Variants in MORN1 observed in about 807,000 individuals in gnomAD.
MORN1 encodes MORN repeat-containing protein 1.
In MORN1, 67 loss-of-function variants were observed where a neutral mutation model predicts 61.9. The observed-to-expected ratio is 1.08, with a 90% CI of 0.89 to 1.33. The LOEUF is 1.33. Ranked by LOEUF, MORN1 falls within the 40% of genes most tolerant of loss-of-function variation. The pLI, the probability that MORN1 is intolerant of heterozygous loss-of-function variation, is 0.00. For missense variants in MORN1, 752 were observed against 691.2 expected (o/e 1.09, Z -0.99); for synonymous variants, 301 against 292.0 (o/e 1.03, Z -0.31).
chr1:2,328,828 G>A (rs889688216), intron 12 of MORN1, among the ~76,000 whole-genome samples: 28 of 152,186 alleles, frequency 1.8e-4, no homozygotes, highest in Admixed American at 1.2e-3. Context: ...TGGAACACCC[G>A]GAGAATGTGC....
At chr1:2,368,267 G>A (rs1227588086) in intron 8 of MORN1, among the ~76,000 whole-genome samples, 1 of 152,256 alleles carries the variant, frequency 6.6e-6, no homozygotes, top group African/African-American at 2.4e-5. Flanking sequence ...AGGATTTAAG[G>A]GTGAATGGGA....
intron 12 of MORN1, among the ~76,000 whole-genome samples, chr1:2,335,834 A>AGCCCGGCCCGGCCCCGCCCG (rs893953785): frequency 1.4e-5 from 2 of 143,100 alleles, no homozygotes; most frequent in African/African-American, 6.0e-5. Flanking sequence ...TCCATAGCCC[A>AGCCCGGCCCGGCCCCGCCCG]GCCCAGCCCA....
At chr1:2,352,002 C>A (rs572904723) in intron 10 of MORN1, 1 of 516,544 alleles carries the variant, frequency 1.9e-6, no homozygotes. Context: ...AATGAGACCC[C>A]CTCCACCAGG....
rs1185606095 is a variant in MORN1, at chr1:2,331,996, C to CGCCGCTGCGCCTCTCCT, written c.1250+4472_1250+4473insAGGAGAGGCGCAGCGGC. On this transcript the variant is annotated intron_variant, in intron 12 of 13. Coordinates refer to ENST00000378531, the MANE Select transcript of MORN1 (RefSeq NM_024848.3). ...GCCTCTCCCGCCCCTGCGCCTCTCC[C>CGCCGCTGCGCCTCTCCT]GCCGCTGCGCCTCTCCCGCCGCTGC... 6.3e-5 allele frequency: 11 copies of CGCCGCTGCGCCTCTCCT among 173,416 alleles called. 1 individual carries two copies. Among genetic ancestry groups the CGCCGCTGCGCCTCTCCT allele is most frequent in the African/African-American group, 2.4e-4 (10 of 41,428 alleles). The allele number at this position is 173,416 out of a possible 1,614,324, so 10.7% of individuals were successfully genotyped here.
Position 2,336,558 on chromosome 1 carries a change from T to C in MORN1, c.1171-10A>G. 1.2e-6 allele frequency: 2 copies of C among 1,612,370 alleles called. No homozygotes were observed. The highest frequency in any genetic ancestry group is 1.1e-5 in the South Asian group (1 of 91,030). On this transcript the variant is annotated splice_polypyrimidine_tract_variant and intron_variant, in intron 11 of 13. Coordinates refer to ENST00000378531, the MANE Select transcript of MORN1 (RefSeq NM_024848.3). ...ATCTGCCGCCTGCCTTCTAGAAAGA[T>C]TGGGCAGGAGGAGGGGAGAAGGAAA...
At chr1:2,387,337 G>A in intron 4 of MORN1, 82 bp downstream of exon 4, 1 of 1,031,310 alleles carries the variant, frequency 9.7e-7, no homozygotes, top group South Asian at 1.3e-5. Flanking sequence ...CCTCTCAGAG[G>A]TTCCTGAACC....
At position 2,335,846 on chromosome 1, in the gene MORN1, C is replaced by CCCA. The variant is rs370659459; in HGVS notation, c.1250+622_1250+623insTGG. On this transcript the variant is annotated intron_variant, in intron 12 of 13. Coordinates refer to ENST00000378531, the MANE Select transcript of MORN1 (RefSeq NM_024848.3). ...GCCTCCATAGCCCAGCCCAGCCCAG[C>CCCA]GCGCAGCTGCCCCCAATTTGTAGAC... is the stretch of plus-strand genomic sequence containing the variant. 8.7e-4 allele frequency among the ~76,000 whole-genome samples: 131 copies of CCCA among 149,826 alleles called. 1 individual carries two copies. Among genetic ancestry groups the CCCA allele is most frequent in the African/African-American group, 3.1e-3 (123 of 39,220 alleles).
chr1:2,338,963 G>C (rs1008637850), intron 10 of MORN1, among the ~76,000 whole-genome samples: 2 of 152,104 alleles, frequency 1.3e-5, no homozygotes, highest in East Asian at 3.9e-4. Context: ...ACGGCTTTCA[G>C]TTCAGCAGGA....
At chr1:2,348,894 C>T (rs1302363632) in intron 10 of MORN1, among the ~76,000 whole-genome samples, 1 of 152,214 alleles carries the variant, frequency 6.6e-6, no homozygotes, top group African/African-American at 2.4e-5. Context: ...TGTACGCAGA[C>T]ATGCACACAA....
intron 4 of MORN1, 99 bp from the exon 5 acceptor site, chr1:2,385,996 T>C (rs941432947): frequency 7.8e-6 from 8 of 1,022,922 alleles, no homozygotes; most frequent in Admixed American, 1.8e-5. Flanking sequence ...AGGAGCAAAG[T>C]AGCAAGTCTA....
Position 2,357,268 on chromosome 1 carries a change from T to C in MORN1, c.1036+164A>G, listed in dbSNP as rs1030196954. ...CCACCCGTGACTGCTTGTCTGGGGA[T>C]GTGGGCTGCCCGGCCCTGCCTCCTT... is the stretch of plus-strand genomic sequence containing the variant. On this transcript the variant is annotated intron_variant, in intron 10 of 13. Transcript: ENST00000378531. This position sits in a 1 kb window ranked among gnomAD's most constrained non-coding sequence, Gnocchi z 6.3. 6.6e-6 allele frequency among the ~76,000 whole-genome samples: 1 copy of C among 152,180 alleles called. No individual in the cohort carries two copies. The highest frequency in any genetic ancestry group is 1.5e-5 in the Non-Finnish European group (1 of 68,018).
intron 10 of MORN1, among the ~76,000 whole-genome samples, chr1:2,343,373 C>T (rs1641443538): frequency 6.6e-6 from 1 of 152,196 alleles, no homozygotes; most frequent in Non-Finnish European, 1.5e-5. Flanking sequence ...TGTGACAGAG[C>T]CGCCGGGCCC....
At chr1:2,336,695 C>A (rs1445629141) in intron 11 of MORN1, 22 bp downstream of exon 11, 1 of 1,546,812 alleles carries the variant, frequency 6.5e-7, no homozygotes, top group African/African-American at 1.4e-5. Context: ...GGGTGGCCTC[C>A]CCGCCCCCCG....
intron 6 of MORN1, among the ~76,000 whole-genome samples, chr1:2,381,130 C>T (rs1439685187): frequency 1.3e-5 from 2 of 152,246 alleles, no homozygotes; most frequent in Non-Finnish European, 2.9e-5. Flanking sequence ...AAGGGACAGA[C>T]CTGGTAATGT....
chr1:2,388,450 G>A (rs1367328304), intron 2 of MORN1, 113 bp from the exon 3 acceptor site: 4 of 795,296 alleles, frequency 5.0e-6, no homozygotes, highest in African/African-American at 3.4e-5. Flanking sequence ...CAAAACTTGT[G>A]TTTGGCTCCA....
intron 10 of MORN1, among the ~76,000 whole-genome samples, chr1:2,342,614 G>A (rs544271091): frequency 6.6e-6 from 1 of 151,984 alleles, no homozygotes; most frequent in Non-Finnish European, 1.5e-5. Context: ...CTCCCCTGCT[G>A]TCCCCAGCCC....
At chr1:2,333,707 G>T (rs1294302452) in intron 12 of MORN1, among the ~76,000 whole-genome samples, 1 of 152,206 alleles carries the variant, frequency 6.6e-6, no homozygotes, top group Non-Finnish European at 1.5e-5. Flanking sequence ...GGAAGCGGCA[G>T]CCCCAACGGT....
intron 3 of MORN1, chr1:2,387,950 C>T: frequency 2.2e-6 from 1 of 446,568 alleles, no homozygotes; most frequent in Non-Finnish European, 4.0e-6. Context: ...GAGCTGGTTT[C>T]CCATCTAGGG....
At chr1:2,330,728 C>T (rs1030093914) in intron 12 of MORN1, among the ~76,000 whole-genome samples, 8 of 152,212 alleles carry the variant, frequency 5.3e-5, no homozygotes, top group South Asian at 2.1e-4. Flanking sequence ...AAGGTCGCCG[C>T]GCACACCCGT....
Sources: gnomAD v4.1 joint callset for allele counts (sites outside exome capture counted in the v4.1 genomes callset) on GRCh38, gnomAD v4.1.1 for gene constraint, Gnocchi (gnomAD v3.1) non-coding constraint, MANE v1.5 for transcripts, NCBI Gene and HGNC (gene_info 2026-07-23, HGNC 2026-07-21) for gene names.